Variants in HIVEP3 observed in about 807,000 individuals in gnomAD.
HIVEP3 encodes HIVEP zinc finger 3.
Under a neutral mutation model 152.8 loss-of-function variants are expected in HIVEP3, and 49 were observed. The observed-to-expected ratio is 0.32, with a 90% CI of 0.26 to 0.41. The LOEUF is 0.41. Ranked by LOEUF, HIVEP3 falls within the 10% of genes least tolerant of loss-of-function variation. The pLI is 1.00. For synonymous variants in HIVEP3, 1,269 were observed against 1,289.0 expected, an observed-to-expected ratio of 0.98 and a Z score of 0.33; for missense variants, 2,790 against 3,103.3, an observed-to-expected ratio of 0.90 and a Z score of 2.40.
chr1:41,607,066 CT>C (rs1490260742), intron 3 of HIVEP3, among the ~76,000 whole-genome samples: 1 of 152,096 alleles, frequency 6.6e-6, no homozygotes, highest in Non-Finnish European at 1.5e-5. Flanking sequence ...TTAGGCAATC[CT>C]CCCACCTCAG....
chr1:41,724,684 C>G (rs1365718281), intron 1 of HIVEP3, among the ~76,000 whole-genome samples: 1 of 152,160 alleles, frequency 6.6e-6, no homozygotes, highest in Non-Finnish European at 1.5e-5. Flanking sequence ...ATGCTGATAC[C>G]ATGGAAAAAA....
At chr1:41,519,452 C>T (rs1473743446) in intron 6 of HIVEP3, among the ~76,000 whole-genome samples, 2 of 152,220 alleles carry the variant, frequency 1.3e-5, no homozygotes, top group African/African-American at 4.8e-5. Flanking sequence ...TCCCAGCCTG[C>T]CCCAGAAGAA....
intron 5 of HIVEP3, among the ~76,000 whole-genome samples, chr1:41,566,480 G>A (rs1444784682): frequency 6.6e-6 from 1 of 152,086 alleles, no homozygotes; most frequent in Non-Finnish European, 1.5e-5. Flanking sequence ...ACACACATGA[G>A]GACTTCTCAG....
At chr1:41,815,212 T>A (rs1651191763) in intron 1 of HIVEP3, among the ~76,000 whole-genome samples, 1 of 152,166 alleles carries the variant, frequency 6.6e-6, no homozygotes. Context: ...CAGTGGCTCA[T>A]GTCTGTAATT....
At position 41,512,865 on chromosome 1, in the gene HIVEP3, A is replaced by T; in HGVS notation, c.6356T>A (p.Leu2119Gln). The T allele has an allele frequency of 6.5e-7, 1 of 1,548,302 alleles. No homozygotes were observed. Among genetic ancestry groups the T allele is most frequent in the Non-Finnish European group, 8.8e-7 (1 of 1,142,574 alleles). ...DPRVLFPPAPLPHKLLSRSPE... is the reference protein window; with the variant it reads ...DPRVLFPPAPQPHKLLSRSPE... ...GCTTCTGCTGAGGAGCTTGTGAGGT[A>T]GAGGCGCGGGCGGGAAGAGAACCCG... The change falls in exon 8 of 9, where the codon CTA (leucine) becomes CAA (glutamine). Residue 2119 changes from leucine to glutamine, a missense_variant. Around this residue, in one of 9 missense-constraint regions of HIVEP3, gnomAD observed 816 missense variants for 806.5 expected, o/e 1.01. Transcript: ENST00000372583.
chr1:41,898,995 G>T (rs1449323627), intron 1 of HIVEP3, among the ~76,000 whole-genome samples: 1 of 152,240 alleles, frequency 6.6e-6, no homozygotes, highest in Non-Finnish European at 1.5e-5. Flanking sequence ...TTGCCACTGA[G>T]GTCTGCACAA....
upstream of HIVEP3, among the ~76,000 whole-genome samples, chr1:41,919,904 G>C (rs749476949): frequency 4.1e-4 from 63 of 152,202 alleles, no homozygotes; most frequent in Non-Finnish European, 7.6e-4. Context: ...CAGAGCTCCA[G>C]CATGGCGCTG....
In HIVEP3 at chr1:41,738,067, T is replaced by C. The variant is rs537258950; in HGVS notation, c.-800-37072A>G. ...TGTCCAAGGCCAGAGCTGGTAGCACTGAAACTCAAATTCAGCATTGGCCAC... is the reference window on the plus strand; with the variant it reads ...TGTCCAAGGCCAGAGCTGGTAGCACCGAAACTCAAATTCAGCATTGGCCAC... On this transcript the variant is annotated intron_variant, in intron 1 of 8. Coordinates refer to ENST00000372583, the MANE Select transcript of HIVEP3 (RefSeq NM_024503.5). Among the ~76,000 whole-genome samples the C allele has an allele frequency of 4.6e-5, 7 of 152,330 alleles. No homozygotes were observed. In the East Asian group the frequency reaches 1.2e-3, roughly 25 times the overall value.
chr1:41,537,790 G>A (rs1038869573), intron 5 of HIVEP3, among the ~76,000 whole-genome samples: 2 of 152,166 alleles, frequency 1.3e-5, no homozygotes, highest in Admixed American at 6.5e-5. Flanking sequence ...ATGTCATAAC[G>A]CTCAGGCTGG....
At chr1:41,695,451 C>G (rs1362495788) in intron 2 of HIVEP3, among the ~76,000 whole-genome samples, 1 of 152,220 alleles carries the variant, frequency 6.6e-6, no homozygotes, top group Non-Finnish European at 1.5e-5. Flanking sequence ...AATACATTTA[C>G]TGGACTTGAC....
At chr1:41,528,735 C>T (rs1165991831) in intron 5 of HIVEP3, among the ~76,000 whole-genome samples, 1 of 131,420 alleles carries the variant, frequency 7.6e-6, no homozygotes, top group Non-Finnish European at 1.6e-5. Flanking sequence ...CTCATCCTCA[C>T]ACACCCTCAC....
chr1:41,838,547 C>T (rs536183175), intron 1 of HIVEP3, among the ~76,000 whole-genome samples: 1 of 152,286 alleles, frequency 6.6e-6, no homozygotes, highest in African/African-American at 2.4e-5. Context: ...CGTCCTTACC[C>T]ATAAATGGCA....
chr1:41,624,161 A>G (rs919282660), intron 3 of HIVEP3, among the ~76,000 whole-genome samples: 4 of 151,550 alleles, frequency 2.6e-5, no homozygotes, highest in African/African-American at 7.3e-5. Flanking sequence ...TCCCCTCCCC[A>G]TCTCTCCTCC....
chr1:41,713,996 C>A (rs1646553174), intron 1 of HIVEP3, among the ~76,000 whole-genome samples: 1 of 152,222 alleles, frequency 6.6e-6, no homozygotes. Flanking sequence ...GCCTCATCTG[C>A]TCATGGCTTC....
intron 2 of HIVEP3, among the ~76,000 whole-genome samples, chr1:41,676,129 G>A (rs1396096303): frequency 6.6e-6 from 1 of 151,750 alleles, no homozygotes; most frequent in African/African-American, 2.4e-5. Flanking sequence ...TCGGCTCACT[G>A]CAACCTCCGC....
chr1:41,723,281 G>A (rs888453578), intron 1 of HIVEP3, among the ~76,000 whole-genome samples: 11 of 152,068 alleles, frequency 7.2e-5, no homozygotes, highest in African/African-American at 2.7e-4. Flanking sequence ...GATCAGGAAT[G>A]AGCCCTGAGT....
chr1:41,586,236 G>T (rs1400182043), intron 3 of HIVEP3, among the ~76,000 whole-genome samples: 1 of 152,218 alleles, frequency 6.6e-6, no homozygotes, highest in African/African-American at 2.4e-5. Context: ...AGGGCCAGCT[G>T]CAAGCAGGGC....
chr1:41,527,324 TCACA>T (rs371962591), intron 5 of HIVEP3, among the ~76,000 whole-genome samples: 2 of 33,652 alleles, frequency 5.9e-5, no homozygotes, highest in African/African-American at 1.5e-4. Flanking sequence ...ACCCCTGCAC[TCACA>T]CACACATCCC....
At chr1:41,600,831 CTA>C (rs1644735512) in intron 3 of HIVEP3, among the ~76,000 whole-genome samples, 1 of 152,076 alleles carries the variant, frequency 6.6e-6, no homozygotes, top group African/African-American at 2.4e-5. Context: ...AAGTTTTCTC[CTA>C]TGTTTTCTTC....
Sources: gnomAD v4.1 joint callset for allele counts (sites outside exome capture counted in the v4.1 genomes callset) on GRCh38, gnomAD v4.1.1 for gene constraint, gnomAD v4.1.1 regional missense constraint, MANE v1.5 for transcripts, NCBI Gene and HGNC (gene_info 2026-07-23, HGNC 2026-07-21) for gene names.